PPP4R4: variants seen among roughly 807,000 people sequenced by gnomAD.
PPP4R4 encodes the protein protein phosphatase 4 regulatory subunit 4, also known as serine/threonine-protein phosphatase 4 regulatory subunit 4.
A neutral mutation model predicts 121.8 loss-of-function variants in PPP4R4; 70 were observed. The ratio of observed to expected loss-of-function variants is 0.57; its 90% CI spans 0.47 to 0.70. The LOEUF is 0.70. PPP4R4 is among the 30% of genes least tolerant of loss of function. PPP4R4 has a pLI of 0.00. For missense variants in PPP4R4, 875 were observed against 1,033.6 expected (o/e 0.85, Z 2.10); for synonymous variants, 348 against 355.7 (o/e 0.98, Z 0.24).
At position 94,236,637 on chromosome 14, in the gene PPP4R4, G is replaced by A. The variant is rs1892366348; in HGVS notation, c.732-928G>A. On this transcript the variant is annotated intron_variant, in intron 7 of 24. Transcript: ENST00000304338. ...CCCCTAGTCACATGTGGCTATTTTA[G>A]TTTAAAATAAGGAAAATTAAAGAAA... 2.6e-5 allele frequency among the ~76,000 whole-genome samples: 4 copies of A among 151,986 alleles called. No individual in the cohort carries two copies. The South Asian group carries it at 8.3e-4, about 32-fold the overall frequency.
At chr14:94,237,089 C>T (rs1892386130) in intron 7 of PPP4R4, among the ~76,000 whole-genome samples, 1 of 152,032 alleles carries the variant, frequency 6.6e-6, no homozygotes. Context: ...GGTAGGACAC[C>T]TAGAGTGATA....
At chr14:94,227,900 C>T in intron 3 of PPP4R4, 1 of 979,304 alleles carries the variant, frequency 1.0e-6, no homozygotes, top group Non-Finnish European at 1.2e-6. Context: ...GTTTTCCAAA[C>T]CCCAAATTGT....
At chr14:94,272,981 G>A (rs909243209) in intron 23 of PPP4R4, among the ~76,000 whole-genome samples, 3 of 152,094 alleles carry the variant, frequency 2.0e-5, no homozygotes, top group Admixed American at 6.5e-5. Context: ...AATCCAAAAC[G>A]CTGACAGCAA....
Position 94,278,616 on chromosome 14 carries a change from A to C in PPP4R4, c.2598-3A>C. On this transcript the variant is annotated splice_polypyrimidine_tract_variant and splice_region_variant and intron_variant, in intron 24 of 24. Transcript: ENST00000304338. ...CTCTTCCTTCATTTCTTTCTTCCCA[A>C]AGAAAATCCAGAAAATCCAATCCTT... 6.3e-7 allele frequency: 1 copy of C among 1,582,754 alleles called. No homozygotes were observed. The highest frequency in any genetic ancestry group is 1.1e-5 in the South Asian group (1 of 87,262).
intron 2 of PPP4R4, among the ~76,000 whole-genome samples, chr14:94,179,355 G>A (rs1888850803): frequency 6.6e-6 from 1 of 152,138 alleles, no homozygotes; most frequent in South Asian, 2.1e-4. Flanking sequence ...CTTTCACTTA[G>A]CATAAGGTGT....
At chr14:94,200,935 T>C (rs983417850) in intron 2 of PPP4R4, among the ~76,000 whole-genome samples, 1 of 152,162 alleles carries the variant, frequency 6.6e-6, no homozygotes, top group Admixed American at 6.5e-5. Context: ...CTATTTGTGC[T>C]CTTTCAGACT....
chr14:94,258,841 T>G lies in PPP4R4; in HGVS notation c.2052+17T>G. On this transcript the variant is annotated intron_variant, in intron 18 of 24. Coordinates refer to ENST00000304338, the MANE Select transcript of PPP4R4 (RefSeq NM_058237.2). Reference sequence around the variant, plus strand: ...ATGGATGCTGTAAGTATACTCTCTTTACCTTATTGTGTTGGTCCATTTTCA... The same window carrying G: ...ATGGATGCTGTAAGTATACTCTCTTGACCTTATTGTGTTGGTCCATTTTCA... 1.3e-6 allele frequency: 2 copies of G among 1,574,120 alleles called. No individual in the cohort carries two copies. Among genetic ancestry groups the G allele is most frequent in the Non-Finnish European group, 1.7e-6 (2 of 1,145,586 alleles).
chr14:94,248,697 C>T (rs1893021254), intron 14 of PPP4R4, among the ~76,000 whole-genome samples: 1 of 152,126 alleles, frequency 6.6e-6, no homozygotes. Flanking sequence ...TTCATTATAA[C>T]TTGAAAAATA....
chr14:94,278,794 A>T lies in PPP4R4; in HGVS notation c.*151A>T. ...TGAGCAGAAAGAGAGACATAATGAC[A>T]GCTGATGTTAAACTTTTCATATTTC... On this transcript the variant is annotated 3_prime_UTR_variant, in exon 25 of 25. Coordinates refer to ENST00000304338, the MANE Select transcript of PPP4R4 (RefSeq NM_058237.2). The T allele has an allele frequency of 1.7e-6, 1 of 589,534 alleles. No individual in the cohort carries two copies. Among genetic ancestry groups the T allele is most frequent in the Non-Finnish European group, 2.7e-6 (1 of 375,760 alleles). 36.5% of individuals were successfully genotyped at this position (589,534 alleles called of 1,614,324 possible).
At chr14:94,239,468 C>G (rs868699765) in intron 8 of PPP4R4, among the ~76,000 whole-genome samples, 1 of 151,034 alleles carries the variant, frequency 6.6e-6, no homozygotes, top group Non-Finnish European at 1.5e-5. Context: ...TTTGTCCTTG[C>G]AATAGTTTGC....
intron 14 of PPP4R4, among the ~76,000 whole-genome samples, chr14:94,246,838 C>G (rs1000443420): frequency 6.6e-6 from 1 of 152,160 alleles, no homozygotes; most frequent in Non-Finnish European, 1.5e-5. Context: ...TGAAATAGTT[C>G]TTCTTAAGAG....
chr14:94,219,554 TGATGTATATATACTC>T (rs1348903361), intron 3 of PPP4R4, among the ~76,000 whole-genome samples: 1 of 152,158 alleles, frequency 6.6e-6, no homozygotes, highest in Non-Finnish European at 1.5e-5. Context: ...AGCATTACCC[TGATGTATATATACTC>T]ATGAGCGTAG....
At position 94,251,900 on chromosome 14, in the gene PPP4R4, T is replaced by C; in HGVS notation, c.1865+4T>C. 6.4e-7 allele frequency: 1 copy of C among 1,566,556 alleles called. No individual in the cohort carries two copies. Among genetic ancestry groups the C allele is most frequent in the South Asian group, 1.2e-5 (1 of 84,064 alleles). ...ATGATCCAGTAGCAAATGTGAGGTA[T>C]GTTATCAATGAAGGAAAATATTGGA... On this transcript the variant is annotated splice_donor_region_variant and intron_variant, in intron 16 of 24. Coordinates refer to ENST00000304338, the MANE Select transcript of PPP4R4 (RefSeq NM_058237.2).
intron 2 of PPP4R4, among the ~76,000 whole-genome samples, chr14:94,195,354 G>A (rs1457960478): frequency 6.6e-6 from 1 of 152,176 alleles, no homozygotes; most frequent in African/African-American, 2.4e-5. Flanking sequence ...TGTACAAGTG[G>A]ATTCCGACAC....
intron 23 of PPP4R4, among the ~76,000 whole-genome samples, chr14:94,269,331 T>A (rs1351239256): frequency 6.6e-6 from 1 of 152,096 alleles, no homozygotes; most frequent in East Asian, 1.9e-4. Context: ...GAGCAGCAGC[T>A]GACTAGTTTG....
rs1201523191 is a variant in PPP4R4, at chr14:94,265,465, C to T, written c.2276C>T (p.Pro759Leu). 4.4e-6 allele frequency: 7 copies of T among 1,606,352 alleles called. No individual in the cohort carries two copies. Among genetic ancestry groups the T allele is most frequent in the Non-Finnish European group, 6.0e-6 (7 of 1,173,354 alleles). Residue 759 changes from proline to leucine, a missense_variant, in exon 21 of 25, where the codon CCA (proline) becomes CTA (leucine). Physicochemically the swap from Pro to Leu is moderately conservative, Grantham distance 98. Coordinates refer to ENST00000304338, the MANE Select transcript of PPP4R4 (RefSeq NM_058237.2). ...GTTCCTGGACCCTCTTCTGTCACCC[C>T]ATCGACAAGTAAGAAATAACTTCTT... ...ISVPGPSSVT[P>L]STSKEIKKSK...
At chr14:94,198,425 G>GTTGT (rs1263677895) in intron 2 of PPP4R4, among the ~76,000 whole-genome samples, 5 of 152,120 alleles carry the variant, frequency 3.3e-5, no homozygotes. Context: ...CTAGATACAA[G>GTTGT]TTGTTTGCTA....
intron 8 of PPP4R4, 80 bp from the exon 9 acceptor site, chr14:94,240,593 A>T: frequency 7.1e-7 from 1 of 1,417,060 alleles, no homozygotes. Context: ...TCTTTCTGGA[A>T]TTTGTGTGTG....
At chr14:94,245,721 T>C in intron 13 of PPP4R4, 51 bp downstream of exon 13, 1 of 1,336,352 alleles carries the variant, frequency 7.5e-7, no homozygotes, top group East Asian at 2.4e-5. Context: ...ATTATCCTAC[T>C]CTACAGGGTG....
Sources: allele counts gnomAD v4.1 joint callset (sites outside exome capture counted in the v4.1 genomes callset), GRCh38; gene constraint gnomAD v4.1.1; transcripts MANE v1.5; gene names NCBI Gene and HGNC (gene_info 2026-07-23, HGNC 2026-07-21).